Variants in DNAH17 observed in about 807,000 individuals in gnomAD.
DNAH17 encodes axonemal beta dynein heavy chain 17.
A neutral mutation model predicts 485.6 loss-of-function variants in DNAH17; 376 were observed. The observed-to-expected ratio is 0.77, with a 90% CI of 0.71 to 0.84. The LOEUF is 0.84. Ranked by LOEUF, DNAH17 falls within the 40% of genes least tolerant of loss-of-function variation. The pLI is 0.00. For missense variants in DNAH17, 6,370 were observed against 5,839.3 expected, an observed-to-expected ratio of 1.09 and a Z score of -2.96; for synonymous variants, 3,031 against 2,405.9, an observed-to-expected ratio of 1.26 and a Z score of -7.60.
intron 25 of DNAH17, among the ~76,000 whole-genome samples, chr17:78,518,779 A>G (rs780274041): frequency 1.3e-5 from 2 of 152,226 alleles, no homozygotes; most frequent in Admixed American, 6.5e-5. Flanking sequence ...CATTTAAAAT[A>G]ATGAAAGTTA....
At chr17:78,561,201 A>C (rs1210972176) in intron 12 of DNAH17, among the ~76,000 whole-genome samples, 1 of 152,060 alleles carries the variant, frequency 6.6e-6, no homozygotes, top group South Asian at 2.1e-4. Context: ...TGGATGAATG[A>C]CAGCCAGCCC....
intron 62 of DNAH17, among the ~76,000 whole-genome samples, chr17:78,457,251 G>T (rs1041934158): frequency 6.6e-6 from 1 of 152,126 alleles, no homozygotes; most frequent in Non-Finnish European, 1.5e-5. Context: ...CGCATCTGTG[G>T]TCCCATCTAC....
At chr17:78,484,251 G>A (rs1055656566) in intron 48 of DNAH17, among the ~76,000 whole-genome samples, 5 of 152,102 alleles carry the variant, frequency 3.3e-5, no homozygotes, top group African/African-American at 1.2e-4. Context: ...GGCTGCAGCT[G>A]CCCTGGGCAC....
chr17:78,566,545 G>T, intron 11 of DNAH17, 69 bp downstream of exon 11: 1 of 1,162,202 alleles, frequency 8.6e-7, no homozygotes, highest in East Asian at 2.5e-5. Context: ...CTCCAAGATC[G>T]TTCTCGACAT....
At chr17:78,480,085 C>CA (rs1568122555) in intron 49 of DNAH17, among the ~76,000 whole-genome samples, 1 of 100,512 alleles carries the variant, frequency 9.9e-6, no homozygotes, top group Non-Finnish European at 2.3e-5. Context: ...ACGGTGACTC[C>CA]CACCTGTAAT....
rs567822043 is a variant in DNAH17 at position 78,453,335 on chromosome 17, C to G, written c.10529+8G>C. The G allele has an allele frequency of 1.9e-6, 3 of 1,600,858 alleles. No individual in the cohort carries two copies. Among genetic ancestry groups the G allele is most frequent in the Non-Finnish European group, 1.7e-6 (2 of 1,170,406 alleles). On this transcript the variant is annotated splice_region_variant and intron_variant, in intron 65 of 80. Coordinates refer to ENST00000389840, the MANE Select transcript of DNAH17 (RefSeq NM_173628.4). Reference sequence around the variant, plus strand: ...CTGGCTCAAGCCACGGAGGCGGAAACAACTCACTTTCCCTTTTTAATCGTG... The same window carrying G: ...CTGGCTCAAGCCACGGAGGCGGAAAGAACTCACTTTCCCTTTTTAATCGTG...
chr17:78,511,988 G>A (rs1456738313), intron 26 of DNAH17, among the ~76,000 whole-genome samples: 5 of 152,332 alleles, frequency 3.3e-5, no homozygotes, highest in Non-Finnish European at 7.4e-5. Context: ...GTGCCCTCAG[G>A]GTGGCCTGCA....
At chr17:78,569,585 C>T in intron 7 of DNAH17, 58 bp from the exon 8 acceptor site, 1 of 1,547,174 alleles carries the variant, frequency 6.5e-7, no homozygotes. Flanking sequence ...GGGTGACGTC[C>T]AGGCACGCCG....
At chr17:78,455,967 G>A (rs1175553468) in intron 62 of DNAH17, 131 bp from the exon 63 acceptor site, 3 of 759,868 alleles carry the variant, frequency 3.9e-6, no homozygotes, top group African/African-American at 1.8e-5. Flanking sequence ...GCTCAATGAT[G>A]AAAATGCTTT....
At position 78,485,996 on chromosome 17, in the gene DNAH17, C is replaced by T; in HGVS notation, c.7239G>A (p.Val2413=). The change falls in exon 46 of 81, where the codon GTG becomes GTA. Residue 2413 remains valine, a synonymous_variant. Coordinates refer to ENST00000389840, the MANE Select transcript of DNAH17 (RefSeq NM_173628.4). Reference sequence around the variant, plus strand: ...CATCGGGATCCAGCTCAAAGGAGGGCACTTTATCTGTCCAGGGCAGGAACT... The same window carrying T: ...CATCGGGATCCAGCTCAAAGGAGGGTACTTTATCTGTCCAGGGCAGGAACT... ...TKKFLPWTDK[V]PSFELDPDVP... is the part of the protein sequence containing the mutation. The T allele has an allele frequency of 1.2e-6, 2 of 1,613,644 alleles. No homozygotes were observed. The highest frequency in any genetic ancestry group is 8.5e-7 in the Non-Finnish European group (1 of 1,179,868).
chr17:78,438,284 C>T (rs533097188), intron 73 of DNAH17, among the ~76,000 whole-genome samples: 73 of 150,188 alleles, frequency 4.9e-4, no homozygotes, highest in African/African-American at 1.6e-3. Flanking sequence ...GGCCCAGAGG[C>T]GCTCGAGGAC....
intron 26 of DNAH17, among the ~76,000 whole-genome samples, chr17:78,514,335 T>C (rs1305159937): frequency 6.6e-6 from 1 of 151,736 alleles, no homozygotes; most frequent in Non-Finnish European, 1.5e-5. Flanking sequence ...TGAAACCCCG[T>C]CTGTACTAAA....
intron 80 of DNAH17, 52 bp downstream of exon 80, chr17:78,425,294 C>T: frequency 3.2e-6 from 5 of 1,555,682 alleles, no homozygotes; most frequent in Admixed American, 1.7e-5. Context: ...CTTGTCTTGG[C>T]AAGTAGCACT....
intron 40 of DNAH17, 23 bp from the exon 41 acceptor site, chr17:78,494,196 G>A: frequency 6.3e-7 from 1 of 1,599,928 alleles, no homozygotes; most frequent in Non-Finnish European, 8.5e-7. Context: ...GGATGAGGCT[G>A]GGTGAGGAAC....
intron 11 of DNAH17, 117 bp downstream of exon 11, chr17:78,566,497 C>T: frequency 1.3e-6 from 1 of 756,020 alleles, no homozygotes; most frequent in South Asian, 1.8e-5. Flanking sequence ...GGCCCTCCCT[C>T]CCTGGACATC....
intron 26 of DNAH17, among the ~76,000 whole-genome samples, chr17:78,512,389 C>T (rs182480997): frequency 6.9e-4 from 105 of 152,316 alleles, no homozygotes; most frequent in African/African-American, 2.1e-3. Flanking sequence ...CCCTTCCCAC[C>T]GCTTGAAGGT....
chr17:78,530,259 A>G, intron 21 of DNAH17, 84 bp downstream of exon 21: 5 of 1,447,016 alleles, frequency 3.5e-6, no homozygotes, highest in Non-Finnish European at 4.6e-6. Context: ...GGCACCTGAC[A>G]AATGCCACCC....
chr17:78,479,714 GC>G, intron 49 of DNAH17, 82 bp from the exon 50 acceptor site: 3 of 1,574,904 alleles, frequency 1.9e-6, no homozygotes, highest in Non-Finnish European at 2.6e-6. Flanking sequence ...CGGGAGAGTG[GC>G]CCCTGTCCTC....
chr17:78,449,343 A>G, intron 69 of DNAH17, 71 bp downstream of exon 69: 1 of 1,474,008 alleles, frequency 6.8e-7, no homozygotes, highest in Non-Finnish European at 9.2e-7. Context: ...CTGCCTTTCC[A>G]CAAAGCTCCC....
Sources: allele counts gnomAD v4.1 joint callset (sites outside exome capture counted in the v4.1 genomes callset), GRCh38; gene constraint gnomAD v4.1.1; transcripts MANE v1.5; gene names NCBI Gene and HGNC (gene_info 2026-07-23, HGNC 2026-07-21).